TNFAIP8: variants seen among roughly 807,000 people sequenced by gnomAD.
The protein encoded by TNFAIP8 is TNF alpha induced protein 8.
Under a neutral mutation model 13.3 loss-of-function variants are expected in TNFAIP8, and 7 were observed. That is an observed-to-expected ratio of 0.52 (90% CI 0.30 to 0.99). The LOEUF is 0.99. Among genes scored for constraint, TNFAIP8 ranks in the 50% least tolerant of loss-of-function variants. The probability of loss-of-function intolerance (pLI) is 0.07; values close to 1 mark genes in which losing one functional copy is unlikely to be tolerated. For synonymous variants in TNFAIP8, 94 were observed against 87.6 expected, an observed-to-expected ratio of 1.07 and a Z score of -0.41; for missense variants, 258 against 236.9, an observed-to-expected ratio of 1.09 and a Z score of -0.58.
intron 1 of TNFAIP8, among the ~76,000 whole-genome samples, chr5:119,383,351 C>G (rs1045731252): frequency 1.5e-4 from 23 of 152,150 alleles, no homozygotes; most frequent in African/African-American, 5.3e-4. Context: ...CAAAAGTATT[C>G]CCTTTGGATG....
chr5:119,283,200 G>C (rs1236603922), intron 1 of TNFAIP8, among the ~76,000 whole-genome samples: 1 of 152,226 alleles, frequency 6.6e-6, no homozygotes, highest in Non-Finnish European at 1.5e-5. Flanking sequence ...ACCCTGTTAG[G>C]TCCTGGCCTG....
chr5:119,277,979 T>TA (rs1231515251), intron 1 of TNFAIP8, among the ~76,000 whole-genome samples: 1 of 152,154 alleles, frequency 6.6e-6, no homozygotes, highest in Non-Finnish European at 1.5e-5. Context: ...AACCACCTCT[T>TA]AATACCACCA....
upstream of TNFAIP8, among the ~76,000 whole-genome samples, chr5:119,353,492 A>C (rs983958044): frequency 6.6e-6 from 1 of 152,230 alleles, no homozygotes; most frequent in Admixed American, 6.5e-5. Context: ...TTTTAAAATA[A>C]GCTGAGCATT....
chr5:119,347,246 C>A (rs956393418), intron 1 of TNFAIP8, among the ~76,000 whole-genome samples: 9 of 152,186 alleles, frequency 5.9e-5, no homozygotes, highest in African/African-American at 2.2e-4. Context: ...ATTCCCAGCT[C>A]CTTCTCATGC....
chr5:119,289,788 G>A (rs1267507756), intron 1 of TNFAIP8, among the ~76,000 whole-genome samples: 1 of 152,214 alleles, frequency 6.6e-6, no homozygotes, highest in Non-Finnish European at 1.5e-5. Context: ...AAAGTCCGAG[G>A]TAGAAGTGAG....
chr5:119,292,366 A>G (rs970705683), intron 1 of TNFAIP8, among the ~76,000 whole-genome samples: 1 of 152,036 alleles, frequency 6.6e-6, no homozygotes, highest in African/African-American at 2.4e-5. Context: ...TTTCTCTGTC[A>G]CCAATGAACT....
intron 1 of TNFAIP8, chr5:119,391,618 G>C: frequency 2.1e-6 from 1 of 476,766 alleles, no homozygotes; most frequent in South Asian, 2.2e-5. Context: ...AATTAGCCGG[G>C]CATGGTGGAG....
intron 1 of TNFAIP8, among the ~76,000 whole-genome samples, chr5:119,331,895 T>G (rs1750391371): frequency 6.6e-6 from 1 of 152,202 alleles, no homozygotes; most frequent in Non-Finnish European, 1.5e-5. Flanking sequence ...CCCTTGGAAT[T>G]GCCAGTGAGT....
chr5:119,367,008 G>T (rs1287460163), intron 1 of TNFAIP8, among the ~76,000 whole-genome samples: 1 of 152,182 alleles, frequency 6.6e-6, no homozygotes, highest in Non-Finnish European at 1.5e-5. Flanking sequence ...TTCAACATGT[G>T]TAAGGGTTAA....
intron 1 of TNFAIP8, among the ~76,000 whole-genome samples, chr5:119,347,360 G>C (rs551297144): frequency 6.6e-6 from 1 of 152,198 alleles, no homozygotes; most frequent in Non-Finnish European, 1.5e-5. Context: ...CTGAAATTGA[G>C]AAAATTAAAT....
At chr5:119,304,161 C>T (rs1373675045) in intron 1 of TNFAIP8, among the ~76,000 whole-genome samples, 2 of 151,974 alleles carry the variant, frequency 1.3e-5, no homozygotes, top group African/African-American at 4.8e-5. Context: ...CTCTGTTGCC[C>T]AGGCTGGAGT....
At chr5:119,352,821 G>A (rs535327534), upstream of TNFAIP8, among the ~76,000 whole-genome samples, 1 of 151,300 alleles carries the variant, frequency 6.6e-6, no homozygotes, top group Admixed American at 6.6e-5. Context: ...TTAGAACCAA[G>A]GTGACTTGGA....
chr5:119,325,204 C>T (rs1227396218), intron 1 of TNFAIP8, among the ~76,000 whole-genome samples: 2 of 152,222 alleles, frequency 1.3e-5, no homozygotes, highest in African/African-American at 4.8e-5. Flanking sequence ...TAACCCCGCG[C>T]AGTTTCCTTG....
At chr5:119,295,214 G>A (rs1749133547) in intron 1 of TNFAIP8, among the ~76,000 whole-genome samples, 1 of 49,212 alleles carries the variant, frequency 2.0e-5, no homozygotes. Flanking sequence ...TAGGTCTAAC[G>A]TTTAGTCTAA....
chr5:119,318,453 T>TA (rs1749961374), intron 1 of TNFAIP8, among the ~76,000 whole-genome samples: 1 of 152,064 alleles, frequency 6.6e-6, no homozygotes, highest in Admixed American at 6.6e-5. Flanking sequence ...CATGCTTGGC[T>TA]AATTTTTTTT....
At chr5:119,311,754 T>A (rs1749739938) in intron 1 of TNFAIP8, among the ~76,000 whole-genome samples, 1 of 149,382 alleles carries the variant, frequency 6.7e-6, no homozygotes, top group East Asian at 2.0e-4. Context: ...ATAAGGTGAT[T>A]AGCAAGAGCA....
At chr5:119,289,679 C>T (rs1748923423) in intron 1 of TNFAIP8, among the ~76,000 whole-genome samples, 1 of 152,178 alleles carries the variant, frequency 6.6e-6, no homozygotes, top group African/African-American at 2.4e-5. Context: ...CTCCTGTTCC[C>T]ATCACTAATT....
intron 1 of TNFAIP8, among the ~76,000 whole-genome samples, chr5:119,378,240 A>G (rs1752354833): frequency 6.6e-6 from 1 of 152,246 alleles, no homozygotes; most frequent in African/African-American, 2.4e-5. Flanking sequence ...GAAAGGTTAG[A>G]AAGGGGTAAC....
At chr5:119,335,990 A>C (rs1026229850) in intron 1 of TNFAIP8, among the ~76,000 whole-genome samples, 9 of 151,998 alleles carry the variant, frequency 5.9e-5, no homozygotes, top group Non-Finnish European at 8.8e-5. Flanking sequence ...CCAGATGTGG[A>C]TATCCTGGGG....
Sources: gnomAD v4.1 joint callset for allele counts (sites outside exome capture counted in the v4.1 genomes callset) on GRCh38, gnomAD v4.1.1 for gene constraint, MANE v1.5 for transcripts, NCBI Gene and HGNC (gene_info 2026-07-23, HGNC 2026-07-21) for gene names.